Variants in WDR64 observed in about 807,000 individuals in gnomAD.
WDR64 encodes WD repeat-containing protein 64.
WDR64 carries 112 observed loss-of-function variants against 139.3 expected under a neutral mutation model. The observed-to-expected ratio is 0.80, with a 90% CI of 0.69 to 0.94. The LOEUF is 0.94. Among genes scored for constraint, WDR64 ranks in the 40% least tolerant of loss-of-function variants. WDR64 has a pLI of 0.00. For synonymous variants in WDR64, 444 were observed against 437.7 expected (o/e 1.01, Z -0.18); for missense variants, 1,206 against 1,293.1 (o/e 0.93, Z 1.03).
Position 241,683,539 on chromosome 1 carries a change from T to G in WDR64, c.677T>G (p.Val226Gly). 5 of 1,551,850 alleles carry G rather than the reference T, an allele frequency of 3.2e-6. No individual in the cohort carries two copies. Among genetic ancestry groups the G allele is most frequent in the Non-Finnish European group, 4.4e-6 (5 of 1,147,036 alleles). The change falls in exon 7 of 28, where the codon GTG becomes GGG. Residue 226 changes from valine to glycine, a missense_variant. Val to Gly is a moderately radical substitution (Grantham distance 109, BLOSUM62 -3). Transcript: ENST00000437684. ...PMDHCLLCVCVVPLPDHLCRD... is the reference protein window; with the variant it reads ...PMDHCLLCVCGVPLPDHLCRD... Reference sequence around the variant, plus strand: ...GATCACTGCCTCCTGTGTGTGTGTGTGGTGCCTTTGCCTGACCATCTCTGC... The same window carrying G: ...GATCACTGCCTCCTGTGTGTGTGTGGGGTGCCTTTGCCTGACCATCTCTGC...
rs1669305180 is a variant in WDR64 at position 241,735,894 on chromosome 1, T to C, written c.1195-2469T>C. ...GTGTGTGTGTGTGTGTGTGTGTCTA[T>C]ATGCTCACTCCTTCCAATCTACACT... On this transcript the variant is annotated intron_variant, in intron 10 of 27. Transcript: ENST00000437684. Among the ~76,000 whole-genome samples, 3 of 150,050 alleles carry C rather than the reference T, an allele frequency of 2.0e-5. No homozygotes were observed. In the South Asian group the frequency reaches 6.4e-4, roughly 32 times the overall value.
chr1:241,798,506 TG>T (rs1659431233), intron 27 of WDR64, among the ~76,000 whole-genome samples: 1 of 152,192 alleles, frequency 6.6e-6, no homozygotes, highest in South Asian at 2.1e-4. Flanking sequence ...GGAAAAACAG[TG>T]GATCACATAA....
chr1:241,766,313 CA>C lies in WDR64; in HGVS notation c.2044del (p.Ile682SerfsTer6), dbSNP rs1398102902. The C allele has an allele frequency of 6.2e-7, 1 of 1,613,982 alleles. No individual in the cohort carries two copies. The highest frequency in any genetic ancestry group is 1.1e-5 in the South Asian group (1 of 91,064). The stretch of plus-strand genomic sequence containing the variant: ...CAGCTGGAACCTTAAATGGTGTGAT[CA>C]TCTTATGGAATTTTGTGACGTCTAC... The part of the protein sequence containing the change: ...IAAGTLNGVI[I>X]LWNFVTSTVK... On this transcript the variant is annotated frameshift_variant, in exon 16 of 28. Transcript: ENST00000437684. LOFTEE classifies it high-confidence loss of function.
chr1:241,749,549 A>ACAGT lies in WDR64; in HGVS notation c.1601_1604dup (p.Arg535SerfsTer59). The ACAGT allele has an allele frequency of 6.2e-7, 1 of 1,614,028 alleles. No homozygotes were observed. The highest frequency in any genetic ancestry group is 8.5e-7 in the Non-Finnish European group (1 of 1,179,940). ...AGTCTTTTTCTCTGTATGCTCAGGA[A>ACAGT]CAGTCAGAATCTGGGACTTTGGCAG... On this transcript the variant is annotated frameshift_variant, in exon 14 of 28. Transcript: ENST00000437684. LOFTEE classifies it high-confidence loss of function.
chr1:241,783,310 G>A lies in WDR64; in HGVS notation c.2634G>A (p.Leu878=). 1.2e-6 allele frequency: 2 copies of A among 1,613,844 alleles called. No homozygotes were observed. Among genetic ancestry groups the A allele is most frequent in the Non-Finnish European group, 1.7e-6 (2 of 1,179,930 alleles). Residue 878 remains leucine, a synonymous_variant, in exon 23 of 28, where the codon TTG becomes TTA. Coordinates refer to ENST00000437684, the MANE Select transcript of WDR64 (RefSeq NM_001367482.1). ...TGCTTTCCTGGCGTGCTCATTCTTT[G>A]GAAATTATTCAAGTAATCTATGTAG... The part of the protein sequence containing the change: ...KQLLSWRAHS[L]EIIQVIYVEE...
chr1:241,691,806 G>A (rs1332149480), intron 8 of WDR64, among the ~76,000 whole-genome samples: 1 of 152,126 alleles, frequency 6.6e-6, no homozygotes, highest in Non-Finnish European at 1.5e-5. Flanking sequence ...CTGTGCTCAG[G>A]AGTTCAAGAC....
At chr1:241,729,045 T>G (rs542595786) in intron 10 of WDR64, among the ~76,000 whole-genome samples, 3 of 152,204 alleles carry the variant, frequency 2.0e-5, no homozygotes, top group South Asian at 4.1e-4. Context: ...TATTTTCTAC[T>G]TCAAGTCTTC....
chr1:241,673,934 A>G (rs1448400473), intron 3 of WDR64, among the ~76,000 whole-genome samples: 2 of 152,222 alleles, frequency 1.3e-5, no homozygotes, highest in African/African-American at 4.8e-5. Flanking sequence ...CGTAAACCAC[A>G]ATGGTGAGAA....
chr1:241,663,486 C>A (rs1253868849), intron 2 of WDR64, among the ~76,000 whole-genome samples: 1 of 152,234 alleles, frequency 6.6e-6, no homozygotes, highest in Admixed American at 6.5e-5. Flanking sequence ...GCAACCCACC[C>A]TCATATGGTG....
intron 8 of WDR64, among the ~76,000 whole-genome samples, chr1:241,691,925 A>G (rs2148126571): frequency 6.6e-6 from 1 of 152,114 alleles, no homozygotes; most frequent in South Asian, 2.1e-4. Context: ...AGGTGGGAGA[A>G]TTGCTTGAAC....
At chr1:241,687,352 A>T (rs1651547741) in intron 7 of WDR64, 109 bp from the exon 8 acceptor site, 1 of 1,326,540 alleles carries the variant, frequency 7.5e-7, no homozygotes, top group African/African-American at 1.5e-5. Flanking sequence ...TGTATTCTAC[A>T]TTTGGGTTTA....
chr1:241,779,430 G>A (rs1470264865), intron 21 of WDR64, among the ~76,000 whole-genome samples: 1 of 152,138 alleles, frequency 6.6e-6, no homozygotes, highest in Non-Finnish European at 1.5e-5. Flanking sequence ...CTGTTTGGTG[G>A]TATATTCATT....
intron 9 of WDR64, among the ~76,000 whole-genome samples, chr1:241,721,833 A>G (rs976255629): frequency 6.6e-6 from 1 of 152,186 alleles, no homozygotes; most frequent in East Asian, 1.9e-4. Flanking sequence ...AATGCTGGCT[A>G]CTGTAAAAAA....
Position 241,674,912 on chromosome 1 carries a change from C to T in WDR64, c.483+165C>T, listed in dbSNP as rs1180739659. ...TTGCTTTTATTTCCTTCCTCTTATTCCTTCCTTCCTTCTTTCCTTCCTCCC... is the reference window on the plus strand; with the variant it reads ...TTGCTTTTATTTCCTTCCTCTTATTTCTTCCTTCCTTCTTTCCTTCCTCCC... On this transcript the variant is annotated intron_variant, in intron 4 of 27. Transcript: ENST00000437684. 5.6e-4 allele frequency among the ~76,000 whole-genome samples: 20 copies of T among 35,928 alleles called. 5 individuals are homozygous for T. Among genetic ancestry groups the T allele is most frequent in the East Asian group, 1.1e-3 (2 of 1,894 alleles). 23.6% of individuals were successfully genotyped at this position (35,928 alleles called of 152,430 possible).
chr1:241,673,104 G>A (rs1027123866), intron 3 of WDR64, among the ~76,000 whole-genome samples: 7 of 151,246 alleles, frequency 4.6e-5, no homozygotes, highest in Non-Finnish European at 7.4e-5. Context: ...ACCAAACACC[G>A]CATGTTCTCA....
chr1:241,675,718 C>T (rs1436014145), intron 4 of WDR64, among the ~76,000 whole-genome samples: 5 of 152,218 alleles, frequency 3.3e-5, no homozygotes, highest in Admixed American at 3.3e-4. Flanking sequence ...TCTTTCACAT[C>T]TCTTTTTTTA....
intron 27 of WDR64, among the ~76,000 whole-genome samples, chr1:241,798,148 C>T (rs952858622): frequency 1.3e-5 from 2 of 152,140 alleles, no homozygotes; most frequent in Non-Finnish European, 2.9e-5. Flanking sequence ...AACACAAAGA[C>T]ATTTTTAAGA....
intron 8 of WDR64, among the ~76,000 whole-genome samples, chr1:241,693,752 G>C (rs957171771): frequency 6.6e-6 from 1 of 152,058 alleles, no homozygotes; most frequent in Non-Finnish European, 1.5e-5. Flanking sequence ...ACAAGAATCT[G>C]ACTTGTTGCA....
At chr1:241,794,429 G>C (rs548572230) in intron 25 of WDR64, among the ~76,000 whole-genome samples, 121 of 151,098 alleles carry the variant, frequency 8.0e-4, no homozygotes, top group African/African-American at 2.8e-3. Flanking sequence ...AAGTAAATTT[G>C]GAGAAATCTT....
Sources: allele counts gnomAD v4.1 joint callset (sites outside exome capture counted in the v4.1 genomes callset), GRCh38; gene constraint gnomAD v4.1.1; transcripts MANE v1.5; gene names NCBI Gene and HGNC (gene_info 2026-07-23, HGNC 2026-07-21).